Variants in OPRL1 observed in about 807,000 individuals in gnomAD.
The protein encoded by OPRL1 is nociceptin receptor.
OPRL1 carries 5 observed loss-of-function variants against 15.5 expected under a neutral mutation model. That is an observed-to-expected ratio of 0.32 (90% confidence interval 0.17 to 0.68). The LOEUF (loss-of-function observed/expected upper bound fraction) is 0.68, where lower values mean the gene tolerates loss of function less well. Among genes scored for constraint, OPRL1 ranks in the 30% least tolerant of loss-of-function variants. OPRL1 has a pLI of 0.72. For missense variants in OPRL1, 406 were observed against 515.3 expected (o/e 0.79, Z 2.05); for synonymous variants, 223 against 230.2 (o/e 0.97, Z 0.28).
chr20:64,098,238 C>T (rs369547583), intron 4 of OPRL1, 38 bp from the exon 5 acceptor site: 10 of 1,603,740 alleles, frequency 6.2e-6, no homozygotes, highest in Non-Finnish European at 7.7e-6. Context: ...CCCTCCACGT[C>T]TCCTGGGCCC....
intron 1 of OPRL1, among the ~76,000 whole-genome samples, chr20:64,080,807 A>T (rs2059958750): frequency 6.6e-6 from 1 of 151,840 alleles, no homozygotes; most frequent in Non-Finnish European, 1.5e-5. Flanking sequence ...CAGCACAAGC[A>T]CTCCACCCGG....
intron 1 of OPRL1, chr20:64,084,996 C>A (rs1460078304): frequency 6.6e-6 from 1 of 152,202 alleles, no homozygotes; most frequent in Non-Finnish European, 1.5e-5. Context: ...GCCCAGCAAC[C>A]GGGAGTCCTG....
rs758847372 is a variant in OPRL1 at position 64,098,185 on chromosome 20, A to G, written c.589+28A>G. ...CAGTGGGGTGTCCCCTCCTCCCCTC[A>G]CCAGGCTCCCTGGCTCCCGGGTGGC... On this transcript the variant is annotated intron_variant, in intron 4 of 4. Transcript: ENST00000336866. 3 of 1,606,176 alleles carry G rather than the reference A, an allele frequency of 1.9e-6. No individual in the cohort carries two copies. In the Admixed American group the frequency reaches 5.0e-5, roughly 27 times the overall value.
rs2060104610 is a variant in OPRL1, at chr20:64,090,020, A to T, written c.-184-1946A>T. ...CTTTGCCTGGAGAGCGTGTTTGTGC[A>T]TGTGTGTGTCCTCTGGGTGTCGGAG... On this transcript the variant is annotated intron_variant, in intron 1 of 4. Coordinates refer to ENST00000336866, the MANE Select transcript of OPRL1 (RefSeq NM_182647.4). This position sits in a 1 kb window ranked among gnomAD's most constrained non-coding sequence, Gnocchi z 4.9. Among the ~76,000 whole-genome samples the T allele has an allele frequency of 6.6e-6, 1 of 152,020 alleles. No homozygotes were observed. Among genetic ancestry groups the T allele is most frequent in the Admixed American group, 6.5e-5 (1 of 15,278 alleles).
At position 64,100,480 on chromosome 20, in the gene OPRL1, G is replaced by A. The variant is rs947630212; in HGVS notation, c.*1681G>A. 1.3e-4 allele frequency: 20 copies of A among 152,366 alleles called. No individual in the cohort carries two copies. Among genetic ancestry groups the A allele is most frequent in the African/African-American group, 4.8e-4 (20 of 41,560 alleles). 9.4% of individuals were successfully genotyped at this position (152,366 alleles called of 1,614,324 possible). Reference sequence around the variant, plus strand: ...GCCTAGCTACAGTTTTCTTGCCAAGGCGAGGTGTTTTGTGAATCTGTGCTG... The same window carrying A: ...GCCTAGCTACAGTTTTCTTGCCAAGACGAGGTGTTTTGTGAATCTGTGCTG... On this transcript the variant is annotated 3_prime_UTR_variant, in exon 5 of 5. Transcript: ENST00000336866.
In OPRL1 at chr20:64,083,887, G is replaced by A; in HGVS notation, c.-185+3535G>A. On this transcript the variant is annotated intron_variant, in intron 1 of 4. Transcript: ENST00000336866. This position sits in a 1 kb window ranked among gnomAD's most constrained non-coding sequence, Gnocchi z 4.9. ...GGGCCTCCGCTGCCTTGAGGACGCC[G>A]AGGAGCCGGTTCTGGCGCTCGGCGG... 6.9e-7 allele frequency: 1 copy of A among 1,441,296 alleles called. No homozygotes were observed. The highest frequency in any genetic ancestry group is 9.1e-7 in the Non-Finnish European group (1 of 1,103,904). The allele number at this position is 1,441,296 out of a possible 1,614,324, so 89.3% of individuals were successfully genotyped here.
At chr20:64,086,440 G>A (rs930055591) in intron 1 of OPRL1, 5 of 194,340 alleles carry the variant, frequency 2.6e-5, no homozygotes, top group African/African-American at 1.2e-4. Context: ...TTCTCTGTGT[G>A]TTTGGGGTCC....
intron 3 of OPRL1, 127 bp downstream of exon 3, chr20:64,093,080 T>C (rs1237628587): frequency 8.1e-6 from 7 of 869,492 alleles, no homozygotes; most frequent in Non-Finnish European, 1.2e-5. Flanking sequence ...TTCAATGTTT[T>C]TGACCCTGTC....
rs141530489 is a variant in OPRL1 at position 64,083,169 on chromosome 20, G to A, written c.-185+2817G>A. Among the ~76,000 whole-genome samples the A allele has an allele frequency of 3.7e-4, 56 of 152,332 alleles. No homozygotes were observed. The highest frequency in any genetic ancestry group is 1.3e-3 in the African/African-American group (56 of 41,570). On this transcript the variant is annotated intron_variant, in intron 1 of 4. Coordinates refer to ENST00000336866, the MANE Select transcript of OPRL1 (RefSeq NM_182647.4). The surrounding 1 kb of genome is among the most constrained non-coding windows in gnomAD (Gnocchi z 4.9). ...CTCCCATAGACCCACAGAACGCCAG[G>A]TTGCCAGTGGGGGGCAGATCGGGAT... is the stretch of plus-strand genomic sequence containing the variant.
rs556592071 is a variant in OPRL1, at chr20:64,090,009, C to T, written c.-184-1957C>T. Among the ~76,000 whole-genome samples the T allele has an allele frequency of 1.4e-4, 22 of 152,288 alleles. No individual in the cohort carries two copies. The highest frequency in any genetic ancestry group is 5.1e-4 in the African/African-American group (21 of 41,538). On this transcript the variant is annotated intron_variant, in intron 1 of 4. Transcript: ENST00000336866. The surrounding 1 kb of genome is among the most constrained non-coding windows in gnomAD (Gnocchi z 4.9). The stretch of plus-strand genomic sequence containing the variant: ...TCACCCTCGAGCTTTGCCTGGAGAG[C>T]GTGTTTGTGCATGTGTGTGTCCTCT...
Position 64,098,854 on chromosome 20 carries a change from A to G in OPRL1, c.*55A>G. ...CAGCCCGCAGAGCCCATCTACGCCC[A>G]ACACAGAGCTCACACAGGTCACTGC... On this transcript the variant is annotated 3_prime_UTR_variant, in exon 5 of 5. Transcript: ENST00000336866. 6.5e-7 allele frequency: 1 copy of G among 1,535,774 alleles called. No individual in the cohort carries two copies.
intron 3 of OPRL1, among the ~76,000 whole-genome samples, chr20:64,095,735 G>A (rs1198227572): frequency 6.6e-6 from 1 of 151,920 alleles, no homozygotes; most frequent in East Asian, 1.9e-4. Flanking sequence ...TCTAAAGCAA[G>A]TGTTCCCTCC....
At position 64,097,142 on chromosome 20, in the gene OPRL1, T is replaced by TC. The variant is rs1319954082; in HGVS notation, c.234-653dup. 8.2e-6 allele frequency among the ~76,000 whole-genome samples: 1 copy of TC among 121,962 alleles called. No homozygotes were observed. The highest frequency in any genetic ancestry group is 3.0e-5 in the African/African-American group (1 of 32,852). The allele number at this position is 121,962 out of a possible 152,430, so 80.0% of individuals were successfully genotyped here. A position where few individuals can be genotyped will look rare whatever the true frequency, so the allele number is the denominator to read the frequency against. On this transcript the variant is annotated intron_variant, in intron 3 of 4. Coordinates refer to ENST00000336866, the MANE Select transcript of OPRL1 (RefSeq NM_182647.4). This position sits in a 1 kb window ranked among gnomAD's most constrained non-coding sequence, Gnocchi z 4.2. ...ATCACCACCACCATCACCACCATAATCCCCCCCAACTATTACAACCATTAA... is the reference window on the plus strand; with the variant it reads ...ATCACCACCACCATCACCACCATAATCCCCCCCCAACTATTACAACCATTAA...
rs761748216 is a variant in OPRL1, at chr20:64,098,154, G to A, written c.586G>A (p.Glu196Lys). The A allele has an allele frequency of 6.2e-7, 1 of 1,612,612 alleles. No homozygotes were observed. Among genetic ancestry groups the A allele is most frequent in the Non-Finnish European group, 8.5e-7 (1 of 1,179,526 alleles). ...CATGGGCTCGGCACAGGTCGAGGAT[G>A]AAGGTCAGTGGGGTGTCCCCTCCTC... ...AIMGSAQVED[E>K]EIECLVEIPT... Residue 196 changes from glutamate (E) to lysine (K), a missense_variant, in exon 4 of 5, where the codon GAA (glutamate) becomes AAA (lysine). Glu to Lys is a moderately conservative substitution (Grantham distance 56). Coordinates refer to ENST00000336866, the MANE Select transcript of OPRL1 (RefSeq NM_182647.4).
intron 1 of OPRL1, chr20:64,084,359 C>A: frequency 3.1e-6 from 4 of 1,283,574 alleles, no homozygotes; most frequent in Non-Finnish European, 2.0e-6. Flanking sequence ...GAGTTCCGCA[C>A]CCCCAGCCTC....
chr20:64,096,474 A>C (rs543249096), intron 3 of OPRL1, among the ~76,000 whole-genome samples: 8 of 152,258 alleles, frequency 5.3e-5, no homozygotes, highest in African/African-American at 1.9e-4. Flanking sequence ...GTATTTTTGC[A>C]AATCTTCAAT....
At position 64,099,538 on chromosome 20, in the gene OPRL1, G is replaced by T. The variant is rs554827154; in HGVS notation, c.*739G>T. ...TCTGAAGGTTTTCTGTGTGCTGCAC[G>T]GTGCAGGCCTCATCCCTGACTGCAG... On this transcript the variant is annotated 3_prime_UTR_variant, in exon 5 of 5. Coordinates refer to ENST00000336866, the MANE Select transcript of OPRL1 (RefSeq NM_182647.4). 3.3e-5 allele frequency: 5 copies of T among 152,364 alleles called. No individual in the cohort carries two copies. In the East Asian group the frequency reaches 5.8e-4, roughly 18 times the overall value. 9.4% of individuals were successfully genotyped at this position (152,364 alleles called of 1,614,324 possible). A position where few individuals can be genotyped will look rare whatever the true frequency, so the allele number is the denominator to read the frequency against.
chr20:64,098,280 C>A lies in OPRL1; in HGVS notation c.594C>A (p.Ile198=), dbSNP rs145287059. 3.1e-6 allele frequency: 5 copies of A among 1,612,978 alleles called. No individual in the cohort carries two copies. The East Asian group carries it at 1.1e-4, about 36-fold the overall frequency. ...MGSAQVEDEE[I]ECLVEIPTPQ... ...ACCCCGTTTCTCTCCCTGCAGAGAT[C>A]GAGTGCCTGGTGGAGATCCCTACCC... is the stretch of plus-strand genomic sequence containing the variant. The change falls in exon 5 of 5, where the codon ATC becomes ATA. Residue 198 remains isoleucine (I), a synonymous_variant. Transcript: ENST00000336866.
At chr20:64,093,021 G>A (rs1234221249) in intron 3 of OPRL1, 68 bp downstream of exon 3, 3 of 1,400,368 alleles carry the variant, frequency 2.1e-6, no homozygotes, top group Non-Finnish European at 3.0e-6. Flanking sequence ...ACTGAGACGG[G>A]GTCTGTTCTG....
Sources: allele counts gnomAD v4.1 joint callset (sites outside exome capture counted in the v4.1 genomes callset), GRCh38; gene constraint gnomAD v4.1.1; non-coding constraint Gnocchi (gnomAD v3.1); transcripts MANE v1.5; gene names NCBI Gene and HGNC (gene_info 2026-07-23, HGNC 2026-07-21).